The following PTPRN2 variants were observed in gnomAD, a reference collection of about 807,000 sequenced individuals.
The protein encoded by PTPRN2 is protein tyrosine phosphatase receptor type N2.
Under a neutral mutation model 118.8 loss-of-function variants are expected in PTPRN2, and 74 were observed. That is an observed-to-expected ratio of 0.62 (90% CI 0.52 to 0.76). The LOEUF is 0.76. Among genes scored for constraint, PTPRN2 ranks in the 30% least tolerant of loss-of-function variants. The pLI is 0.00. For missense variants in PTPRN2, 1,481 were observed against 1,394.4 expected (o/e 1.06, Z -0.99); for synonymous variants, 641 against 608.0 (o/e 1.05, Z -0.80).
intron 2 of PTPRN2, among the ~76,000 whole-genome samples, chr7:158,348,189 C>A (rs1807658552): frequency 6.6e-6 from 1 of 152,116 alleles, no homozygotes; most frequent in Non-Finnish European, 1.5e-5. Context: ...CCCAACACCA[C>A]ACAAAGAGAG....
chr7:158,532,907 C>A, intron 1 of PTPRN2: 1 of 481,912 alleles, frequency 2.1e-6, no homozygotes, highest in Non-Finnish European at 4.4e-6. Flanking sequence ...CCAGGCTCCA[C>A]CACACCTGCT....
intron 2 of PTPRN2, among the ~76,000 whole-genome samples, chr7:158,341,615 A>T (rs1260801453): frequency 2.2e-5 from 2 of 89,448 alleles, no homozygotes; most frequent in Non-Finnish European, 4.4e-5. Context: ...TCACACCCAC[A>T]CTCTCACCAT....
intron 12 of PTPRN2, among the ~76,000 whole-genome samples, chr7:157,742,522 G>T (rs1328251130): frequency 1.4e-5 from 2 of 148,114 alleles, no homozygotes; most frequent in African/African-American, 2.5e-5. Context: ...ATCTAGGTTT[G>T]CTGATTGCTG....
rs1799954509 is a variant in PTPRN2 at position 157,731,909 on chromosome 7, TCCCATGCGCCCAGCACAGTTACCCTTTC to T, written c.1789-49000_1789-48973del. Among the ~76,000 whole-genome samples, 18 of 12,546 alleles carry T rather than the reference TCCCATGCGCCCAGCACAGTTACCCTTTC, an allele frequency of 1.4e-3. 1 individual carries two copies. Among genetic ancestry groups the T allele is most frequent in the African/African-American group, 2.8e-3 (18 of 6,470 alleles). 8.2% of individuals were successfully genotyped at this position (12,546 alleles called of 152,430 possible). ...CGCCCAGCACAGTTACTCTTTCCCG[TCCCATGCGCCCAGCACAGTTACCCTTTC>T]CCGTCCCATGCGCCCAGCACAGTTA... is the stretch of plus-strand genomic sequence containing the variant. On this transcript the variant is annotated intron_variant, in intron 12 of 22. Transcript: ENST00000389418.
At chr7:158,089,860 A>T (rs1202567632) in intron 10 of PTPRN2, among the ~76,000 whole-genome samples, 1 of 108,824 alleles carries the variant, frequency 9.2e-6, no homozygotes, top group Non-Finnish European at 2.0e-5. Context: ...GGGAGTCTTC[A>T]CACAAACCCT....
intron 1 of PTPRN2, among the ~76,000 whole-genome samples, chr7:158,572,764 A>T (rs1192362678): frequency 6.6e-6 from 1 of 152,208 alleles, no homozygotes; most frequent in East Asian, 1.9e-4. Context: ...GCACTCAGAG[A>T]TCTTTGCCAC....
At chr7:157,857,145 AACGCTGGATGGGGAGGGAGGGGG>A (rs1809766062) in intron 12 of PTPRN2, 2 of 127,074 alleles carry the variant, frequency 1.6e-5, no homozygotes, top group Non-Finnish European at 3.3e-5. Context: ...GAGGGAGGGG[AACGCTGGATGGGGAGGGAGGGGG>A]ACGCTGGAAG....
chr7:158,262,112 G>A (rs1797442317), intron 3 of PTPRN2, among the ~76,000 whole-genome samples: 1 of 152,164 alleles, frequency 6.6e-6, no homozygotes, highest in Non-Finnish European at 1.5e-5. Context: ...GGGATGTTAA[G>A]GGTCACACCC....
At chr7:158,579,698 G>T (rs1828526082) in intron 1 of PTPRN2, among the ~76,000 whole-genome samples, 1 of 152,196 alleles carries the variant, frequency 6.6e-6, no homozygotes, top group African/African-American at 2.4e-5. Context: ...TACCATATTT[G>T]CAGAAATCAC....
Position 157,682,893 on chromosome 7 carries a change from G to C in PTPRN2, c.1833C>G (p.Asp611Glu). The C allele has an allele frequency of 6.2e-7, 1 of 1,614,048 alleles. No individual in the cohort carries two copies. The highest frequency in any genetic ancestry group is 2.2e-5 in the East Asian group (1 of 44,884). ...GGGTGAGCGCGATGAACTTGGTGGA[G>C]TCTTCTTGCTCCGCCTGAGGAGGCA... is the stretch of plus-strand genomic sequence containing the variant. ...KFLPPQAEQE[D>E]STKFIALTLV... The change falls in exon 13 of 23, where the codon GAC (aspartate) becomes GAG (glutamate). Residue 611 changes from aspartate (D) to glutamate (E), a missense_variant. Physicochemically the swap from Asp to Glu is conservative, Grantham distance 45. Transcript: ENST00000389418.
At chr7:158,284,539 AGAGCCACT>A (rs893734036) in intron 3 of PTPRN2, among the ~76,000 whole-genome samples, 14 of 152,218 alleles carry the variant, frequency 9.2e-5, no homozygotes, top group South Asian at 4.1e-4. Context: ...GAGCTCAGGC[AGAGCCACT>A]GTCGGTGGTT....
intron 11 of PTPRN2, among the ~76,000 whole-genome samples, chr7:157,998,167 C>T (rs1478638806): frequency 6.6e-6 from 1 of 151,760 alleles, no homozygotes; most frequent in Non-Finnish European, 1.5e-5. Flanking sequence ...GACTGCAGGG[C>T]CAAGGGAGAG....
intron 15 of PTPRN2, among the ~76,000 whole-genome samples, chr7:157,605,439 C>T (rs1585096971): frequency 6.6e-6 from 1 of 152,254 alleles, no homozygotes; most frequent in East Asian, 1.9e-4. Context: ...TGAAGGGCTA[C>T]AGCTGTTCTC....
At position 157,903,342 on chromosome 7, in the gene PTPRN2, G is replaced by A. The variant is rs1212107245; in HGVS notation, c.1724-4605C>T. On this transcript the variant is annotated intron_variant, in intron 11 of 22. Coordinates refer to ENST00000389418, the MANE Select transcript of PTPRN2 (RefSeq NM_002847.5). This position sits in a 1 kb window ranked among gnomAD's most constrained non-coding sequence, Gnocchi z 4.2. The stretch of plus-strand genomic sequence containing the variant: ...GGGACGTGCTCACTACCTGCAAGAC[G>A]GGAGCAAGCAAGACGGTACCCCAAA... Among the ~76,000 whole-genome samples the A allele has an allele frequency of 2.6e-5, 4 of 151,818 alleles. No homozygotes were observed. Among genetic ancestry groups the A allele is most frequent in the African/African-American group, 7.3e-5 (3 of 41,130 alleles).
At chr7:157,567,449 G>T (rs1799544991) in intron 21 of PTPRN2, among the ~76,000 whole-genome samples, 1 of 152,168 alleles carries the variant, frequency 6.6e-6, no homozygotes, top group Non-Finnish European at 1.5e-5. Flanking sequence ...CCTCCCCTCT[G>T]CTGCAGGACG....
intron 12 of PTPRN2, among the ~76,000 whole-genome samples, chr7:157,840,161 G>C (rs1391746929): frequency 6.7e-6 from 1 of 149,130 alleles, no homozygotes; most frequent in Non-Finnish European, 1.5e-5. Flanking sequence ...GTGACTGTGT[G>C]GCCCTGTGTG....
intron 10 of PTPRN2, among the ~76,000 whole-genome samples, chr7:158,099,890 C>T (rs1815084971): frequency 7.3e-6 from 1 of 136,980 alleles, no homozygotes; most frequent in African/African-American, 2.8e-5. Flanking sequence ...CCCACTCCTC[C>T]CTCATAAGGA....
intron 11 of PTPRN2, among the ~76,000 whole-genome samples, chr7:157,919,287 ACT>A (rs758082439): frequency 2.6e-5 from 4 of 152,148 alleles, no homozygotes; most frequent in South Asian, 2.1e-4. Context: ...AGAAAACAAA[ACT>A]CTCTCATCAT....
intron 11 of PTPRN2, among the ~76,000 whole-genome samples, chr7:157,989,516 G>T (rs1035275957): frequency 2.3e-5 from 1 of 43,596 alleles, no homozygotes; most frequent in Non-Finnish European, 4.3e-5. Context: ...GAGTCTTGTG[G>T]GGGGCACCAT....
Sources: allele counts gnomAD v4.1 joint callset (sites outside exome capture counted in the v4.1 genomes callset), GRCh38; gene constraint gnomAD v4.1.1; non-coding constraint Gnocchi (gnomAD v3.1); transcripts MANE v1.5; gene names NCBI Gene and HGNC (gene_info 2026-07-23, HGNC 2026-07-21).